The following RASSF4 variants were observed in gnomAD, a reference collection of about 807,000 sequenced individuals.
RASSF4 encodes ras association domain-containing protein 4.
RASSF4 carries 38 observed loss-of-function variants against 41.1 expected under a neutral mutation model. The ratio of observed to expected loss-of-function variants is 0.92; its 90% CI spans 0.71 to 1.21. The LOEUF is 1.21. RASSF4 is among the 50% of genes most tolerant of loss of function. The probability of loss-of-function intolerance (pLI) is 0.00; values close to 1 mark genes in which losing one functional copy is unlikely to be tolerated. For missense variants in RASSF4, 414 were observed against 419.4 expected (o/e 0.99, Z 0.11); for synonymous variants, 179 against 163.4 (o/e 1.10, Z -0.73).
intron 3 of RASSF4, chr10:44,982,176 T>C (rs1014994471): frequency 3.0e-6 from 1 of 333,218 alleles, no homozygotes; most frequent in African/African-American, 2.2e-5. Flanking sequence ...GGTCCCCTGC[T>C]TGGCATGAGC....
chr10:44,970,402 G>A, intron 2 of RASSF4, 138 bp downstream of exon 2: 1 of 680,724 alleles, frequency 1.5e-6, no homozygotes, highest in Non-Finnish European at 2.6e-6. Context: ...GTGATGGGGT[G>A]CTTCTTTTTG....
At chr10:44,977,688 T>C (rs1449063478) in intron 3 of RASSF4, 1 of 1,612,862 alleles carries the variant, frequency 6.2e-7, no homozygotes, top group South Asian at 1.1e-5. Flanking sequence ...CTTGGCTGCT[T>C]TTCCTGGGAC....
intron 1 of RASSF4, among the ~76,000 whole-genome samples, chr10:44,963,222 G>A (rs1840774140): frequency 6.6e-6 from 1 of 152,172 alleles, no homozygotes; most frequent in Non-Finnish European, 1.5e-5. Flanking sequence ...CGGGAGTGGA[G>A]AGGAGGGGTC....
intron 3 of RASSF4, among the ~76,000 whole-genome samples, chr10:44,979,372 G>C (rs1841604209): frequency 6.6e-6 from 1 of 152,228 alleles, no homozygotes; most frequent in Admixed American, 6.5e-5. Context: ...TGAGGTGCTA[G>C]TGTGTGCTGT....
At chr10:44,980,132 C>T (rs76714600) in intron 3 of RASSF4, among the ~76,000 whole-genome samples, 2,489 of 152,178 alleles carry the variant, frequency 0.016, 71 homozygotes, top group African/African-American at 0.056. Flanking sequence ...ACTGGGCAGA[C>T]CCCAGACTCC....
chr10:44,968,327 G>A (rs1380126201), intron 1 of RASSF4, among the ~76,000 whole-genome samples: 2 of 152,162 alleles, frequency 1.3e-5, no homozygotes, highest in African/African-American at 4.8e-5. Flanking sequence ...CCGAGGAACT[G>A]AAACTTTATG....
chr10:44,974,045 G>A (rs1264377111), intron 3 of RASSF4, among the ~76,000 whole-genome samples: 1 of 152,208 alleles, frequency 6.6e-6, no homozygotes, highest in Non-Finnish European at 1.5e-5. Flanking sequence ...TGTTTTTGCT[G>A]GGTCGCAATT....
chr10:44,990,333 A>G (rs1238627493), intron 8 of RASSF4, among the ~76,000 whole-genome samples: 2 of 152,268 alleles, frequency 1.3e-5, no homozygotes, highest in Non-Finnish European at 2.9e-5. Flanking sequence ...AAGAACAAAC[A>G]GAAGTTTGTT....
rs140131341 is a variant in RASSF4 at position 44,971,863 on chromosome 10, C to T, written c.138+15C>T. 2.6e-4 allele frequency: 412 copies of T among 1,597,106 alleles called. 1 individual carries two copies. In the African/African-American group the frequency reaches 4.3e-3, roughly 17 times the overall value. ...GACACCGTGAGGTGAGCCTGTTGCT[C>T]TTGTTCATGGGGTCACCATGTACCC... On this transcript the variant is annotated intron_variant, in intron 3 of 10. Coordinates refer to ENST00000340258, the MANE Select transcript of RASSF4 (RefSeq NM_032023.4).
chr10:44,982,165 A>G (rs1487134108), intron 3 of RASSF4: 2 of 317,530 alleles, frequency 6.3e-6, no homozygotes, highest in Non-Finnish European at 1.2e-5. Flanking sequence ...GTGGGCAGAG[A>G]GGTCCCCTGC....
intron 3 of RASSF4, among the ~76,000 whole-genome samples, chr10:44,975,198 G>A (rs1841358668): frequency 6.6e-6 from 1 of 152,076 alleles, no homozygotes; most frequent in South Asian, 2.1e-4. Flanking sequence ...AAACGGAAGG[G>A]GCTTCCCCTG....
chr10:44,967,761 C>A (rs1399589203), intron 1 of RASSF4, among the ~76,000 whole-genome samples: 1 of 152,102 alleles, frequency 6.6e-6, no homozygotes, highest in East Asian at 1.9e-4. Flanking sequence ...TGGTAAAGCA[C>A]CCCCCGCCCT....
At chr10:44,979,780 G>A (rs1483693538) in intron 3 of RASSF4, among the ~76,000 whole-genome samples, 2 of 152,220 alleles carry the variant, frequency 1.3e-5, no homozygotes, top group East Asian at 3.9e-4. Flanking sequence ...TTCCCTCTAG[G>A]AGGGAGGGAA....
chr10:44,963,908 G>A (rs890569210), intron 1 of RASSF4, among the ~76,000 whole-genome samples: 1 of 152,324 alleles, frequency 6.6e-6, no homozygotes, highest in Middle Eastern at 3.4e-3. Flanking sequence ...AAAGCAGGCA[G>A]CACAGTCTTA....
In RASSF4 at chr10:44,970,194, G is replaced by A; in HGVS notation, c.-9G>A. 6.2e-7 allele frequency: 1 copy of A among 1,612,900 alleles called. No individual in the cohort carries two copies. The highest frequency in any genetic ancestry group is 1.1e-5 in the South Asian group (1 of 91,058). On this transcript the variant is annotated 5_prime_UTR_variant, in exon 2 of 11. Coordinates refer to ENST00000340258, the MANE Select transcript of RASSF4 (RefSeq NM_032023.4). ...TAACTTCTAGGTCTGCAGACAAGAG[G>A]AAGAGAAGATGAAGGAAGACTGTCT...
intron 6 of RASSF4, among the ~76,000 whole-genome samples, chr10:44,985,604 C>T (rs564677308): frequency 3.9e-5 from 6 of 152,170 alleles, no homozygotes; most frequent in South Asian, 2.1e-4. Flanking sequence ...AAATGCAAGC[C>T]GAGATTTCCA....
chr10:44,967,240 G>T (rs562994351), intron 1 of RASSF4, among the ~76,000 whole-genome samples: 44 of 152,230 alleles, frequency 2.9e-4, no homozygotes, highest in Non-Finnish European at 5.0e-4. Flanking sequence ...TGGCTTTCTG[G>T]GTCACCACGG....
chr10:44,984,719 C>T (rs1841850254), intron 5 of RASSF4, 94 bp from the exon 6 acceptor site: 2 of 1,424,104 alleles, frequency 1.4e-6, no homozygotes, highest in South Asian at 2.5e-5. Flanking sequence ...GTGCACGTGA[C>T]CACAGGGCTC....
intron 6 of RASSF4, 69 bp downstream of exon 6, chr10:44,985,039 A>C (rs1363536511): frequency 2.0e-6 from 3 of 1,531,792 alleles, no homozygotes; most frequent in East Asian, 2.3e-5. Flanking sequence ...CACAGCAAGC[A>C]CCATGACCTG....
Sources: allele counts gnomAD v4.1 joint callset (sites outside exome capture counted in the v4.1 genomes callset), GRCh38; gene constraint gnomAD v4.1.1; transcripts MANE v1.5; gene names NCBI Gene and HGNC (gene_info 2026-07-23, HGNC 2026-07-21).